The following CUEDC1 variants were observed in gnomAD, a reference collection of about 807,000 sequenced individuals.
The protein encoded by CUEDC1 is CUE domain containing 1, also known as CUE domain-containing protein 1.
CUEDC1 carries 30 observed loss-of-function variants against 43.7 expected under a neutral mutation model. The ratio of observed to expected loss-of-function variants is 0.69; its 90% CI spans 0.51 to 0.93. CUEDC1 has a LOEUF of 0.93. Among genes scored for constraint, CUEDC1 ranks in the 40% least tolerant of loss-of-function variants. The pLI is 0.00. For synonymous variants in CUEDC1, 223 were observed against 223.6 expected, an observed-to-expected ratio of 1.00 and a Z score of 0.02; for missense variants, 486 against 549.0, an observed-to-expected ratio of 0.89 and a Z score of 1.15.
At chr17:57,866,453 T>C (rs767550972) in intron 10 of CUEDC1, 21 bp downstream of exon 10, 7 of 1,612,810 alleles carry the variant, frequency 4.3e-6, no homozygotes, top group Non-Finnish European at 5.9e-6. Context: ...GTCCCTGGGT[T>C]GCTATGGCTC....
rs1332248649 is a variant in CUEDC1, at chr17:57,955,140, G to GGGCCGC, written c.-316+79_-316+84dup. 3 of 147,958 alleles carry GGGCCGC rather than the reference G, an allele frequency of 2.0e-5. No homozygotes were observed. The highest frequency in any genetic ancestry group is 2.1e-4 in the South Asian group (1 of 4,814). 9.2% of individuals were successfully genotyped at this position (147,958 alleles called of 1,614,324 possible). On this transcript the variant is annotated intron_variant, in intron 1 of 10. Coordinates refer to ENST00000577830, the MANE Select transcript of CUEDC1 (RefSeq NM_001271875.2). This position sits in a 1 kb window ranked among gnomAD's most constrained non-coding sequence, Gnocchi z 5.3. ...CCGAGAAGGTGGGGCCGCTGGGCCGGGGCCGCGGCCGGGATTGCGCGCGGG... is the reference window on the plus strand; with the variant it reads ...CCGAGAAGGTGGGGCCGCTGGGCCGGGGCCGCGGCCGCGGCCGGGATTGCGCGCGGG...
intron 1 of CUEDC1, among the ~76,000 whole-genome samples, chr17:57,948,302 T>A (rs1188713671): frequency 6.6e-6 from 1 of 152,140 alleles, no homozygotes; most frequent in Non-Finnish European, 1.5e-5. Context: ...GCTCCACTAC[T>A]TCCAGGTTTC....
At chr17:57,938,633 T>A (rs998363150) in intron 1 of CUEDC1, among the ~76,000 whole-genome samples, 4 of 152,006 alleles carry the variant, frequency 2.6e-5, no homozygotes, top group African/African-American at 9.7e-5. Flanking sequence ...CTTTTTATTT[T>A]ATTTTTAAAT....
chr17:57,882,261 C>T (rs2074217377), intron 2 of CUEDC1, among the ~76,000 whole-genome samples: 2 of 151,130 alleles, frequency 1.3e-5, no homozygotes, highest in South Asian at 4.2e-4. Context: ...TCCGCTGGCT[C>T]AGGAGCTGCC....
chr17:57,879,867 A>G (rs1268000747), intron 2 of CUEDC1, 129 bp from the exon 3 acceptor site: 2 of 915,096 alleles, frequency 2.2e-6, no homozygotes, highest in Non-Finnish European at 3.2e-6. Flanking sequence ...TGGGAGTGTA[A>G]ATCGATACAA....
At chr17:57,887,898 C>CTTTTT (rs748886251) in intron 1 of CUEDC1, among the ~76,000 whole-genome samples, 4 of 118,022 alleles carry the variant, frequency 3.4e-5, no homozygotes, top group African/African-American at 6.4e-5. Context: ...TTCTTTTTCT[C>CTTTTT]TTTTTTTTTT....
chr17:57,951,490 A>C (rs1461550818), intron 1 of CUEDC1, among the ~76,000 whole-genome samples: 1 of 151,406 alleles, frequency 6.6e-6, no homozygotes, highest in Non-Finnish European at 1.5e-5. Context: ...ACAGAGTCTC[A>C]CTCTGTTGTC....
chr17:57,943,429 C>T lies in CUEDC1; in HGVS notation c.-316+11796G>A, dbSNP rs564673463. On this transcript the variant is annotated intron_variant, in intron 1 of 10. Coordinates refer to ENST00000577830, the MANE Select transcript of CUEDC1 (RefSeq NM_001271875.2). ...AGGGAAGTCACCCGAGTTCCCATCCCTCTCTCCACCAAACATAAGCCACGC... is the reference window on the plus strand; with the variant it reads ...AGGGAAGTCACCCGAGTTCCCATCCTTCTCTCCACCAAACATAAGCCACGC... Among the ~76,000 whole-genome samples the T allele has an allele frequency of 2.0e-5, 3 of 152,274 alleles. No individual in the cohort carries two copies. The South Asian group carries it at 6.2e-4, about 32-fold the overall frequency.
At chr17:57,912,488 CA>C (rs2074594568) in intron 1 of CUEDC1, 1 of 152,164 alleles carries the variant, frequency 6.6e-6, no homozygotes, top group Non-Finnish European at 1.5e-5. Context: ...CCAGGTGAGA[CA>C]TTTGGAGCAG....
intron 1 of CUEDC1, among the ~76,000 whole-genome samples, chr17:57,939,823 A>G (rs1310993908): frequency 1.3e-5 from 2 of 152,118 alleles, no homozygotes; most frequent in African/African-American, 4.8e-5. Flanking sequence ...GGACGGGTGT[A>G]TTTGGGAGCT....
At chr17:57,934,935 T>C (rs1030294384) in intron 1 of CUEDC1, among the ~76,000 whole-genome samples, 2 of 152,026 alleles carry the variant, frequency 1.3e-5, no homozygotes, top group Non-Finnish European at 2.9e-5. Context: ...CTCGAACTCC[T>C]GAGCTCAGGT....
intron 2 of CUEDC1, among the ~76,000 whole-genome samples, 158 bp from the exon 3 acceptor site, chr17:57,879,896 GC>G (rs1436516081): frequency 1.3e-5 from 2 of 152,160 alleles, no homozygotes; most frequent in Non-Finnish European, 2.9e-5. Context: ...TTAGAAAACT[GC>G]CTTTTTGAAA....
At chr17:57,896,084 A>T (rs2074405091) in intron 1 of CUEDC1, among the ~76,000 whole-genome samples, 1 of 152,168 alleles carries the variant, frequency 6.6e-6, no homozygotes. Flanking sequence ...CATGATTAGA[A>T]AGGAGTGCTC....
chr17:57,939,293 T>C (rs1055371786), intron 1 of CUEDC1, among the ~76,000 whole-genome samples: 1 of 150,410 alleles, frequency 6.6e-6, no homozygotes, highest in Admixed American at 6.6e-5. Context: ...TGAGACGAGA[T>C]CTCAGTCTGG....
intron 1 of CUEDC1, among the ~76,000 whole-genome samples, chr17:57,893,516 A>T (rs1213089082): frequency 6.6e-6 from 1 of 152,228 alleles, no homozygotes; most frequent in East Asian, 1.9e-4. Context: ...AAGGCTCGGA[A>T]AAGGCTTAAT....
intron 1 of CUEDC1, among the ~76,000 whole-genome samples, chr17:57,919,903 C>CTGTTTGGCTTGGACAAATTGATGG (rs1299828129): frequency 6.6e-6 from 1 of 152,204 alleles, no homozygotes; most frequent in Non-Finnish European, 1.5e-5. Flanking sequence ...CAAGCGTTTT[C>CTGTTTGGCTTGGACAAATTGATGG]TGTTTGGCTT....
intron 1 of CUEDC1, among the ~76,000 whole-genome samples, chr17:57,899,626 A>G (rs778484419): frequency 1.3e-5 from 2 of 151,848 alleles, no homozygotes; most frequent in Non-Finnish European, 2.9e-5. Flanking sequence ...ACAGGCTCCC[A>G]CTCACTGCCA....
intron 1 of CUEDC1, among the ~76,000 whole-genome samples, chr17:57,945,857 T>C (rs1250135324): frequency 6.6e-6 from 1 of 151,946 alleles, no homozygotes; most frequent in Non-Finnish European, 1.5e-5. Flanking sequence ...CTGTCTCTAC[T>C]AAAAATACAA....
chr17:57,907,419 C>G (rs929447656), intron 1 of CUEDC1, among the ~76,000 whole-genome samples: 9 of 152,034 alleles, frequency 5.9e-5, no homozygotes, highest in Non-Finnish European at 5.9e-5. Context: ...CAGGCTGGAT[C>G]ATTCACTCCA....
Sources: allele counts gnomAD v4.1 joint callset (sites outside exome capture counted in the v4.1 genomes callset), GRCh38; gene constraint gnomAD v4.1.1; non-coding constraint Gnocchi (gnomAD v3.1); transcripts MANE v1.5; gene names NCBI Gene and HGNC (gene_info 2026-07-23, HGNC 2026-07-21).